WDR20: variants seen among roughly 807,000 people sequenced by gnomAD.
The protein encoded by WDR20 is WD repeat domain 20, also known as WD repeat-containing protein 20.
In WDR20, 3 loss-of-function variants were observed where a neutral mutation model predicts 38.7. The observed-to-expected ratio is 0.08, with a 90% CI of 0.04 to 0.20. The LOEUF (loss-of-function observed/expected upper bound fraction) is 0.20. WDR20 is among the 10% of genes least tolerant of loss of function. The pLI is 1.00. For synonymous variants in WDR20, 298 were observed against 285.6 expected, an observed-to-expected ratio of 1.04 and a Z score of -0.44; for missense variants, 559 against 727.7, an observed-to-expected ratio of 0.77 and a Z score of 2.67.
rs201457330 is a variant in WDR20 at position 102,163,512 on chromosome 14, C to T, written c.249+23340C>T. Among the ~76,000 whole-genome samples the T allele has an allele frequency of 6.6e-5, 10 of 150,856 alleles. No individual in the cohort carries two copies. The East Asian group carries it at 1.4e-3, about 21-fold the overall frequency. On this transcript the variant is annotated intron_variant, in intron 1 of 2. Transcript: ENST00000342702. ...GCGTGGTGGCGTGTGCCTGTAATCC[C>T]GGCTACCCAGGAGGCTGAGGCAGGA...
downstream of WDR20, chr14:102,213,269 G>A: frequency 1.0e-6 from 1 of 985,466 alleles, no homozygotes; most frequent in Non-Finnish European, 1.2e-6. Flanking sequence ...GCCTGGAGAA[G>A]GGAACCTTTG....
intron 1 of WDR20, among the ~76,000 whole-genome samples, chr14:102,192,943 G>A (rs1336994419): frequency 6.6e-6 from 1 of 151,304 alleles, no homozygotes; most frequent in African/African-American, 2.4e-5. Context: ...GAATAACTGG[G>A]ACTACAGGCA....
intron 1 of WDR20, among the ~76,000 whole-genome samples, chr14:102,161,733 C>G (rs533137491): frequency 8.3e-4 from 127 of 152,140 alleles, no homozygotes; most frequent in African/African-American, 3.0e-3. Flanking sequence ...TGCTTTCTAC[C>G]GTGTTTCAGC....
At chr14:102,176,212 G>GTGAAGCCCCATCTCTACTA (rs1555387194) in intron 1 of WDR20, among the ~76,000 whole-genome samples, 1 of 151,922 alleles carries the variant, frequency 6.6e-6, no homozygotes, top group African/African-American at 2.4e-5. Context: ...GGCTGACATG[G>GTGAAGCCCCATCTCTACTA]TGAAGCCCCA....
chr14:102,140,292 C>T, intron 1 of WDR20, 120 bp downstream of exon 1: 3 of 1,455,134 alleles, frequency 2.1e-6, no homozygotes, highest in African/African-American at 1.4e-5. Flanking sequence ...TTTGAGTGGG[C>T]CGGTAACTCC....
At chr14:102,193,149 G>A (rs1479591128) in intron 1 of WDR20, among the ~76,000 whole-genome samples, 1 of 126,308 alleles carries the variant, frequency 7.9e-6, no homozygotes, top group African/African-American at 2.9e-5. Flanking sequence ...TTTTTTTTGT[G>A]GCTGTCTTCC....
At chr14:102,216,867 A>G (rs1248417470), downstream of WDR20, among the ~76,000 whole-genome samples, 1 of 152,128 alleles carries the variant, frequency 6.6e-6, no homozygotes, top group East Asian at 1.9e-4. Flanking sequence ...CAGGAGGTGG[A>G]GGTTGCAATG....
In WDR20 at chr14:102,171,101, G is replaced by A. The variant is rs149624717; in HGVS notation, c.250-23837G>A. Among the ~76,000 whole-genome samples the A allele has an allele frequency of 7.6e-3, 1,156 of 151,832 alleles. 16 individuals carry two copies. Among genetic ancestry groups the A allele is most frequent in the African/African-American group, 0.025 (1,055 of 41,386 alleles). Reference sequence around the variant, plus strand: ...TGAGTAGCTGGGATTACAGGCATGCGCCACCATGCCTGGCTAATTTTTGTA... The same window carrying A: ...TGAGTAGCTGGGATTACAGGCATGCACCACCATGCCTGGCTAATTTTTGTA... On this transcript the variant is annotated intron_variant, in intron 1 of 2. Transcript: ENST00000342702.
At chr14:102,190,547 C>T (rs1029536035) in intron 1 of WDR20, among the ~76,000 whole-genome samples, 25 of 151,838 alleles carry the variant, frequency 1.6e-4, no homozygotes, top group African/African-American at 5.3e-4. Context: ...GAGCCAAGAT[C>T]ACACCATTGC....
downstream of WDR20, among the ~76,000 whole-genome samples, chr14:102,211,378 G>A (rs1302623067): frequency 3.9e-5 from 6 of 151,912 alleles, no homozygotes; most frequent in East Asian, 1.2e-3. The surrounding 1 kb of genome is among the most constrained non-coding windows in gnomAD (Gnocchi z 4.2). Context: ...TCTTAACGCA[G>A]CCCTCCCAGG....
chr14:102,153,124 T>A (rs2056476961), intron 1 of WDR20, among the ~76,000 whole-genome samples: 1 of 152,092 alleles, frequency 6.6e-6, no homozygotes. Context: ...ACTGGCTGTT[T>A]AAAAGTGTGT....
chr14:102,195,950 G>T (rs2059340639), intron 2 of WDR20: 1 of 152,206 alleles, frequency 6.6e-6, no homozygotes, highest in Admixed American at 6.5e-5. Flanking sequence ...CTCTACTTGG[G>T]ACCTTGCCCC....
chr14:102,205,432 G>T (rs1426372383), intron 2 of WDR20, among the ~76,000 whole-genome samples: 1 of 152,174 alleles, frequency 6.6e-6, no homozygotes, highest in East Asian at 1.9e-4. Context: ...TCAGGACAGA[G>T]GATCCGGAAT....
chr14:102,204,885 G>A (rs1295173340), intron 2 of WDR20, among the ~76,000 whole-genome samples: 2 of 152,318 alleles, frequency 1.3e-5, no homozygotes, highest in African/African-American at 4.8e-5. Context: ...TATCCAAACA[G>A]TTGAATACTC....
Position 102,140,017 on chromosome 14 carries a change from T to C in WDR20, c.94T>C (p.Tyr32His). ...GLYKLLPHSE[Y>H]SRPNRVPFNS... The stretch of plus-strand genomic sequence containing the variant: ...GTACAAGCTGCTGCCGCACTCGGAG[T>C]ACAGCCGGCCCAACCGGGTGCCCTT... Residue 32 changes from tyrosine (Y) to histidine (H), a missense_variant, in exon 1 of 3, where the codon TAC becomes CAC. Transcript: ENST00000342702. The C allele has an allele frequency of 1.2e-6, 2 of 1,614,104 alleles. No individual in the cohort carries two copies. The highest frequency in any genetic ancestry group is 1.7e-6 in the Non-Finnish European group (2 of 1,180,006).
intron 1 of WDR20, among the ~76,000 whole-genome samples, chr14:102,182,210 C>G (rs933021158): frequency 2.0e-5 from 3 of 152,114 alleles, no homozygotes; most frequent in African/African-American, 7.2e-5. Context: ...AAACTTGGAA[C>G]AGATTGGATT....
At chr14:102,213,627 A>T, downstream of WDR20, 2 of 985,412 alleles carry the variant, frequency 2.0e-6, no homozygotes, top group Non-Finnish European at 2.4e-6. Flanking sequence ...CCACTGGCTG[A>T]CTTCACCCCC....
chr14:102,223,675 C>T (rs8009059), downstream of WDR20: 6,199 of 152,386 alleles, frequency 0.041, 147 homozygotes, highest in Middle Eastern at 0.065. Context: ...TTGAATATAC[C>T]GCTTGTTTAT....
rs889382558 is a variant in WDR20 at position 102,207,208 on chromosome 14, C to T, written c.433-1395C>T. 4.6e-5 allele frequency among the ~76,000 whole-genome samples: 7 copies of T among 152,338 alleles called. No homozygotes were observed. Among genetic ancestry groups the T allele is most frequent in the Middle Eastern group, 6.8e-3 (2 of 294 alleles). ...AATGCATGGTCCCCAGCCCTGGGCC[C>T]GCATGCTGTGTGGCGTTCAGGCCTC... On this transcript the variant is annotated intron_variant, in intron 2 of 2. Coordinates refer to ENST00000342702, the MANE Select transcript of WDR20 (RefSeq NM_144574.4). The surrounding 1 kb of genome is among the most constrained non-coding windows in gnomAD (Gnocchi z 5.0).
Sources: allele counts gnomAD v4.1 joint callset (sites outside exome capture counted in the v4.1 genomes callset), GRCh38; gene constraint gnomAD v4.1.1; non-coding constraint Gnocchi (gnomAD v3.1); transcripts MANE v1.5; gene names NCBI Gene and HGNC (gene_info 2026-07-23, HGNC 2026-07-21).